Variants in TTC28 observed in about 807,000 individuals in gnomAD.
TTC28 encodes tetratricopeptide repeat domain 28.
Under a neutral mutation model 198.0 loss-of-function variants are expected in TTC28, and 61 were observed. The ratio of observed to expected loss-of-function variants is 0.31; its 90% confidence interval spans 0.25 to 0.38. The LOEUF is 0.38. TTC28 is among the 10% of genes least tolerant of loss of function. The probability of loss-of-function intolerance (pLI) is 1.00; values close to 1 mark genes in which losing one functional copy is unlikely to be tolerated. For missense variants in TTC28, 2,678 were observed against 3,164.0 expected (o/e 0.85, Z 3.69); for synonymous variants, 1,171 against 1,297.8 (o/e 0.90, Z 2.10).
intron 6 of TTC28, among the ~76,000 whole-genome samples, chr22:28,134,779 A>T (rs892725114): frequency 6.6e-6 from 1 of 151,928 alleles, no homozygotes; most frequent in African/African-American, 2.4e-5. Context: ...ACTCTGCAGG[A>T]TATTATCCAG....
At chr22:28,264,470 T>A (rs988444108) in intron 5 of TTC28, among the ~76,000 whole-genome samples, 1 of 152,108 alleles carries the variant, frequency 6.6e-6, no homozygotes, top group Non-Finnish European at 1.5e-5. Flanking sequence ...GAACATAAAT[T>A]AAAATGTTTA....
intron 2 of TTC28, among the ~76,000 whole-genome samples, chr22:28,468,684 C>T (rs78447849): frequency 5.7e-5 from 8 of 140,286 alleles, no homozygotes; most frequent in African/African-American, 1.5e-4. Context: ...CCAACTCGCC[C>T]GGCTAATTTT....
intron 5 of TTC28, among the ~76,000 whole-genome samples, chr22:28,263,931 G>A (rs1396888877): frequency 6.6e-6 from 1 of 152,124 alleles, no homozygotes; most frequent in Non-Finnish European, 1.5e-5. Flanking sequence ...CTTGTTGGTA[G>A]ATTTGATACA....
intron 5 of TTC28, among the ~76,000 whole-genome samples, chr22:28,251,398 G>C (rs549636999): frequency 6.6e-6 from 1 of 152,284 alleles, no homozygotes; most frequent in South Asian, 2.1e-4. Flanking sequence ...CAATGGCAAA[G>C]TTGGTTAGTT....
At chr22:28,224,061 T>G (rs940244045) in intron 5 of TTC28, among the ~76,000 whole-genome samples, 11 of 152,182 alleles carry the variant, frequency 7.2e-5, no homozygotes, top group Non-Finnish European at 1.3e-4. Context: ...TTGTCACGAC[T>G]TGTGGTAGGA....
chr22:28,399,905 A>G (rs2046877394), intron 2 of TTC28, among the ~76,000 whole-genome samples: 1 of 151,872 alleles, frequency 6.6e-6, no homozygotes, highest in Non-Finnish European at 1.5e-5. Context: ...GCCTTCCATA[A>G]TAATAACAGA....
intron 12 of TTC28, among the ~76,000 whole-genome samples, chr22:28,072,463 T>C (rs1257430808): frequency 1.3e-5 from 2 of 152,210 alleles, no homozygotes; most frequent in Non-Finnish European, 2.9e-5. Flanking sequence ...TCTGTATTAT[T>C]GAACTAGTTA....
At chr22:28,169,898 A>C (rs1922476319) in intron 5 of TTC28, among the ~76,000 whole-genome samples, 1 of 151,966 alleles carries the variant, frequency 6.6e-6, no homozygotes, top group Non-Finnish European at 1.5e-5. Context: ...GAAGCACATC[A>C]TACTCTTAAA....
chr22:28,348,213 C>T lies in TTC28; in HGVS notation c.382-41570G>A, dbSNP rs1245725562. 2.6e-5 allele frequency among the ~76,000 whole-genome samples: 4 copies of T among 152,342 alleles called. No homozygotes were observed. In the East Asian group the frequency reaches 7.7e-4, roughly 29 times the overall value. Reference sequence around the variant, plus strand: ...TTAGACACTAGGAACAATGGCAGAACTCACAGATGTGGTCTAAAAATAGGA... The same window carrying T: ...TTAGACACTAGGAACAATGGCAGAATTCACAGATGTGGTCTAAAAATAGGA... On this transcript the variant is annotated intron_variant, in intron 2 of 22. Transcript: ENST00000397906.
At chr22:28,460,432 T>C (rs2047930883) in intron 2 of TTC28, among the ~76,000 whole-genome samples, 1 of 150,392 alleles carries the variant, frequency 6.6e-6, no homozygotes, top group Non-Finnish European at 1.5e-5. Flanking sequence ...AACTTTTCTA[T>C]GCATATACAT....
chr22:28,021,116 CAG>C (rs1747634563), intron 13 of TTC28, among the ~76,000 whole-genome samples: 1 of 152,190 alleles, frequency 6.6e-6, no homozygotes, highest in South Asian at 2.1e-4. Context: ...GATGAAGAAA[CAG>C]GGGCTTGACT....
intron 2 of TTC28, among the ~76,000 whole-genome samples, chr22:28,310,503 T>A (rs1295176405): frequency 6.6e-6 from 1 of 152,172 alleles, no homozygotes; most frequent in Non-Finnish European, 1.5e-5. Flanking sequence ...ACCTTTAGTC[T>A]TTACTTTCAA....
At chr22:28,241,005 G>A (rs9625437) in intron 5 of TTC28, among the ~76,000 whole-genome samples, 12,555 of 150,332 alleles carry the variant, frequency 0.084, 623 homozygotes, top group Non-Finnish European at 0.097. Context: ...ATAGAAGGAA[G>A]GAACAGAAAA....
At position 28,105,542 on chromosome 22, in the gene TTC28, G is replaced by A. The variant is rs1601624603; in HGVS notation, c.3044C>T (p.Thr1015Ile). Residue 1015 changes from threonine (T) to isoleucine (I), a missense_variant, in exon 8 of 23, where the codon ACA becomes ATA. Coordinates refer to ENST00000397906, the MANE Select transcript of TTC28 (RefSeq NM_001145418.2). ...ATCAAGCTGGTGGTACTGCAGGGCT[G>A]TGTCATACTCCCCCATCTGCTGGTA... is the stretch of plus-strand genomic sequence containing the variant. The part of the protein sequence containing the change: ...GVYQQMGEYD[T>I]ALQYHQLDLQ... The A allele has an allele frequency of 2.6e-6, 4 of 1,551,690 alleles. No homozygotes were observed. The highest frequency in any genetic ancestry group is 1.2e-5 in the South Asian group (1 of 84,064).
chr22:28,169,736 G>T (rs1922454668), intron 5 of TTC28, among the ~76,000 whole-genome samples: 1 of 151,770 alleles, frequency 6.6e-6, no homozygotes, highest in African/African-American at 2.4e-5. Flanking sequence ...CGAGTTAATG[G>T]GTGCAGCACA....
At chr22:28,012,541 C>CA (rs1289733731) in intron 14 of TTC28, among the ~76,000 whole-genome samples, 4 of 152,030 alleles carry the variant, frequency 2.6e-5, no homozygotes, top group African/African-American at 9.7e-5. Flanking sequence ...AGATATGGTT[C>CA]AGTTCTGTCA....
chr22:28,404,736 T>C (rs2046974080), intron 2 of TTC28, among the ~76,000 whole-genome samples: 1 of 152,224 alleles, frequency 6.6e-6, no homozygotes, highest in Non-Finnish European at 1.5e-5. Context: ...TGTCAAAGTC[T>C]CAACTGTTCA....
intron 2 of TTC28, among the ~76,000 whole-genome samples, chr22:28,403,640 C>A (rs2046953382): frequency 6.6e-6 from 1 of 152,208 alleles, no homozygotes; most frequent in African/African-American, 2.4e-5. Context: ...ATGCCTTCAA[C>A]TTCCAACATA....
chr22:28,400,526 TAGTGGTAGTAGTAGC>T (rs2046890328), intron 2 of TTC28, among the ~76,000 whole-genome samples: 1 of 152,210 alleles, frequency 6.6e-6, no homozygotes, highest in Non-Finnish European at 1.5e-5. Flanking sequence ...TTCTATATAG[TAGTGGTAGTAGTAGC>T]AGTGGCAACA....
Sources: allele counts gnomAD v4.1 joint callset (sites outside exome capture counted in the v4.1 genomes callset), GRCh38; gene constraint gnomAD v4.1.1; transcripts MANE v1.5; gene names NCBI Gene and HGNC (gene_info 2026-07-23, HGNC 2026-07-21).